AVEN: variants seen among roughly 807,000 people sequenced by gnomAD.
AVEN encodes the protein apoptosis and caspase activation inhibitor.
In AVEN, 41 loss-of-function variants were observed where a neutral mutation model predicts 38.1. That is an observed-to-expected ratio of 1.08 (90% CI 0.84 to 1.40). The LOEUF (loss-of-function observed/expected upper bound fraction) is 1.40. Among genes scored for constraint, AVEN ranks in the 40% most tolerant of loss-of-function variants. AVEN has a pLI of 0.00. For missense variants in AVEN, 605 were observed against 438.8 expected, an observed-to-expected ratio of 1.38 and a Z score of -3.38; for synonymous variants, 206 against 171.8, an observed-to-expected ratio of 1.20 and a Z score of -1.56.
chr15:33,961,602 A>G (rs945265208), intron 2 of AVEN, among the ~76,000 whole-genome samples: 1 of 151,754 alleles, frequency 6.6e-6, no homozygotes, highest in Non-Finnish European at 1.5e-5. Context: ...TCACGAGGTC[A>G]GGAGATCGAG....
intron 2 of AVEN, among the ~76,000 whole-genome samples, chr15:33,997,113 TAGG>T (rs1896967752): frequency 1.3e-5 from 2 of 152,124 alleles, no homozygotes; most frequent in Non-Finnish European, 1.5e-5. Flanking sequence ...CTAGAAAATA[TAGG>T]AGAACATCTT....
chr15:33,874,709 C>A (rs1473778929), intron 3 of AVEN, among the ~76,000 whole-genome samples: 1 of 152,210 alleles, frequency 6.6e-6, no homozygotes, highest in African/African-American at 2.4e-5. Flanking sequence ...CAGGCATGGT[C>A]TGTCTCATTC....
At chr15:33,967,136 A>C (rs926458507) in intron 2 of AVEN, among the ~76,000 whole-genome samples, 8 of 152,160 alleles carry the variant, frequency 5.3e-5, no homozygotes, top group African/African-American at 1.9e-4. Flanking sequence ...AATATTCTAA[A>C]GATATGTTCT....
At chr15:33,956,854 C>A (rs959645405) in intron 2 of AVEN, among the ~76,000 whole-genome samples, 4 of 152,180 alleles carry the variant, frequency 2.6e-5, no homozygotes. Flanking sequence ...GGTTTGAATA[C>A]CAATTTTTTT....
At chr15:34,048,989 AAAAC>A (rs1327016136) in intron 5 of AVEN, among the ~76,000 whole-genome samples, 2 of 152,220 alleles carry the variant, frequency 1.3e-5, no homozygotes, top group Admixed American at 6.5e-5. Context: ...TGTTAAAAGA[AAAAC>A]AAACAAACAG....
At chr15:33,958,752 G>A (rs969751041) in intron 2 of AVEN, among the ~76,000 whole-genome samples, 1 of 151,994 alleles carries the variant, frequency 6.6e-6, no homozygotes, top group Non-Finnish European at 1.5e-5. Context: ...AGTTCAACAG[G>A]CACCTTTGTT....
intron 2 of AVEN, among the ~76,000 whole-genome samples, chr15:33,949,719 T>G (rs761546412): frequency 3.9e-5 from 6 of 152,144 alleles, no homozygotes; most frequent in Non-Finnish European, 8.8e-5. Flanking sequence ...ATGAGTAAAT[T>G]TAATGATATG....
Position 34,000,879 on chromosome 15 carries a change from G to A in AVEN, c.445+2153C>T, listed in dbSNP as rs547773813. Among the ~76,000 whole-genome samples, 7 of 152,228 alleles carry A rather than the reference G, an allele frequency of 4.6e-5. No homozygotes were observed. In the South Asian group the frequency reaches 1.5e-3, roughly 32 times the overall value. ...AATCACAGATAAACAAGCCACTTCA[G>A]AAGAAATCAGTAAGCAAAGAGACTA... On this transcript the variant is annotated intron_variant, in intron 2 of 5. Coordinates refer to ENST00000306730, the MANE Select transcript of AVEN (RefSeq NM_020371.3).
At chr15:34,061,949 A>G (rs1900347507) in intron 5 of AVEN, among the ~76,000 whole-genome samples, 1 of 152,206 alleles carries the variant, frequency 6.6e-6, no homozygotes, top group South Asian at 2.1e-4. Context: ...GGTATTTATC[A>G]CCAGGATCTT....
intron 1 of AVEN, among the ~76,000 whole-genome samples, chr15:34,022,166 A>G (rs527448553): frequency 6.6e-6 from 1 of 152,324 alleles, no homozygotes; most frequent in African/African-American, 2.4e-5. Context: ...ACTGCTTTCT[A>G]TTGCTCCTCA....
chr15:34,051,329 T>A (rs2684951), intron 5 of AVEN, among the ~76,000 whole-genome samples: 26,980 of 152,124 alleles, frequency 0.18, 3,166 homozygotes, highest in African/African-American at 0.33. Flanking sequence ...ATTTCTGGGA[T>A]GCAGCTAAAG....
intron 2 of AVEN, among the ~76,000 whole-genome samples, chr15:33,937,387 G>C (rs113545944): frequency 6.6e-6 from 1 of 151,610 alleles, no homozygotes; most frequent in Non-Finnish European, 1.5e-5. Flanking sequence ...CAAAAAATTA[G>C]CCGGGCGTGG....
At chr15:33,898,460 G>A (rs180907624) in intron 2 of AVEN, among the ~76,000 whole-genome samples, 4 of 152,200 alleles carry the variant, frequency 2.6e-5, no homozygotes, top group Non-Finnish European at 4.4e-5. Context: ...GGCTCTAGGG[G>A]AGGAGCTTCC....
At chr15:33,891,460 C>T (rs911173397) in intron 2 of AVEN, among the ~76,000 whole-genome samples, 2 of 152,102 alleles carry the variant, frequency 1.3e-5, no homozygotes, top group Non-Finnish European at 2.9e-5. Flanking sequence ...TTGTTCAGTT[C>T]CCACCTGTGA....
intron 2 of AVEN, among the ~76,000 whole-genome samples, chr15:33,941,532 T>A (rs1227804892): frequency 1.3e-5 from 2 of 152,230 alleles, no homozygotes; most frequent in Admixed American, 6.5e-5. Context: ...CAGTATAACT[T>A]ATATCTTGTC....
downstream of AVEN, among the ~76,000 whole-genome samples, chr15:33,863,558 C>T (rs1437816190): frequency 6.6e-6 from 1 of 152,138 alleles, no homozygotes; most frequent in Non-Finnish European, 1.5e-5. Flanking sequence ...AGCCCCTGCC[C>T]CCTGGGATAC....
intron 2 of AVEN, among the ~76,000 whole-genome samples, chr15:33,987,307 G>A (rs1279979756): frequency 6.6e-6 from 1 of 152,058 alleles, no homozygotes; most frequent in East Asian, 1.9e-4. Context: ...TTTTTCATTT[G>A]ATAAACTAAG....
At position 34,063,481 on chromosome 15, in the gene AVEN, G is replaced by A. The variant is rs376737817; in HGVS notation, n.1127-49C>T. 37 of 1,613,756 alleles carry A rather than the reference G, an allele frequency of 2.3e-5. No homozygotes were observed. In the South Asian group the frequency reaches 3.6e-4, roughly 16 times the overall value. On this transcript the variant is annotated intron_variant and non_coding_transcript_variant, in intron 4 of 11. Transcript: ENST00000675287. This position sits in a 1 kb window ranked among gnomAD's most constrained non-coding sequence, Gnocchi z 4.1. ...AGGGCTCTGTTCAGATCCTGCTTGC[G>A]CTGTCCTCGACCCACCCTGGCCCAG...
chr15:33,910,186 G>A (rs114089466), intron 2 of AVEN, among the ~76,000 whole-genome samples: 4,901 of 151,414 alleles, frequency 0.032, 98 homozygotes, highest in South Asian at 0.048. Context: ...TGTTAAAAAT[G>A]AGTCTCCTTG....
Sources: allele counts gnomAD v4.1 joint callset (sites outside exome capture counted in the v4.1 genomes callset), GRCh38; gene constraint gnomAD v4.1.1; non-coding constraint Gnocchi (gnomAD v3.1); transcripts MANE v1.5; gene names NCBI Gene and HGNC (gene_info 2026-07-23, HGNC 2026-07-21).